Variants in NIN observed in about 807,000 individuals in gnomAD.
NIN encodes ninein, also known as glycogen synthase kinase 3 beta-interacting protein.
Under a neutral mutation model 257.6 loss-of-function variants are expected in NIN, and 137 were observed. The observed-to-expected ratio is 0.53, with a 90% confidence interval of 0.46 to 0.61. The LOEUF (loss-of-function observed/expected upper bound fraction) is 0.61. Ranked by LOEUF, NIN falls within the 20% of genes least tolerant of loss-of-function variation. NIN has a pLI of 0.00. For synonymous variants in NIN, 918 were observed against 919.8 expected (o/e 1.00, Z 0.04); for missense variants, 2,439 against 2,501.2 (o/e 0.98, Z 0.53).
rs1547078 is a variant in NIN, at chr14:50,744,135, T to C, written c.5187+108A>G. ...AAAGAAATGCTGCTCCAGGACACTC[T>C]GGAACAACAGACTACCACAGGAGGC... On this transcript the variant is annotated intron_variant, in intron 23 of 30. Coordinates refer to ENST00000530997, the MANE Select transcript of NIN (RefSeq NM_020921.4). 301,879 of 1,241,890 alleles carry C rather than the reference T, an allele frequency of 0.24. 38,465 individuals carry two copies. Among genetic ancestry groups the C allele is most frequent in the South Asian group, 0.31 (21,971 of 69,750 alleles). 76.9% of individuals were successfully genotyped at this position (1,241,890 alleles called of 1,614,324 possible).
intron 3 of NIN, among the ~76,000 whole-genome samples, chr14:50,820,940 A>G (rs1054275802): frequency 6.6e-6 from 1 of 152,222 alleles, no homozygotes; most frequent in Non-Finnish European, 1.5e-5. Context: ...GACAGTGAAA[A>G]TGAAATGAAG....
At position 50,817,011 on chromosome 14, in the gene NIN, C is replaced by T. The variant is rs1595932574; in HGVS notation, c.183+4863G>A. ...TTGAGCAGTCTCCTAATCAGGTCTT[C>T]TTGTTTATCAATGGGGAACCACAGA... On this transcript the variant is annotated intron_variant, in intron 3 of 30. Coordinates refer to ENST00000530997, the MANE Select transcript of NIN (RefSeq NM_020921.4). Among the ~76,000 whole-genome samples the T allele has an allele frequency of 5.3e-5, 8 of 152,316 alleles. No homozygotes were observed. The South Asian group carries it at 1.4e-3, about 28-fold the overall frequency.
At chr14:50,822,285 G>A (rs1327698012) in intron 2 of NIN, among the ~76,000 whole-genome samples, 2 of 152,082 alleles carry the variant, frequency 1.3e-5, no homozygotes. Flanking sequence ...CTCACATCAG[G>A]GGCATATACA....
At chr14:50,729,435 T>C in intron 29 of NIN, 88 bp downstream of exon 29, 1 of 1,304,978 alleles carries the variant, frequency 7.7e-7, no homozygotes, top group Non-Finnish European at 1.1e-6. Flanking sequence ...AGATTTAGGT[T>C]CTTTCTCTCC....
chr14:50,754,835 G>T lies in NIN; in HGVS notation c.4571C>A (p.Ser1524Tyr), dbSNP rs1396406065. The change falls in exon 19 of 31, where the codon TCT becomes TAT. Residue 1524 changes from serine (S) to tyrosine (Y), a missense_variant. Ser to Tyr is a moderately radical substitution (Grantham distance 144, BLOSUM62 -2). Coordinates refer to ENST00000530997, the MANE Select transcript of NIN (RefSeq NM_020921.4). ...AGTAGTAATTTCATTTCTCAAAATA[G>T]AATTTTCCTGTTGAAGCTTTTCAGA... The part of the protein sequence containing the change: ...YESEKLQQEN[S>Y]ILRNEITTLN... 6.3e-7 allele frequency: 1 copy of T among 1,578,938 alleles called. No individual in the cohort carries two copies. The highest frequency in any genetic ancestry group is 1.9e-5 in the Admixed American group (1 of 51,404).
chr14:50,795,912 G>C (rs981567027), intron 4 of NIN, among the ~76,000 whole-genome samples: 2 of 152,222 alleles, frequency 1.3e-5, no homozygotes, highest in Non-Finnish European at 2.9e-5. Context: ...CTAGGAGGCA[G>C]AGGCTGCAGT....
chr14:50,764,994 G>C (rs923999381), intron 14 of NIN, among the ~76,000 whole-genome samples: 2 of 151,170 alleles, frequency 1.3e-5, no homozygotes, highest in Non-Finnish European at 2.9e-5. Flanking sequence ...ATGAGGCTGG[G>C]TGGGCAGATC....
intron 5 of NIN, 133 bp from the exon 6 acceptor site, chr14:50,778,937 T>G: frequency 3.3e-6 from 3 of 900,212 alleles, no homozygotes; most frequent in Non-Finnish European, 5.3e-6. Flanking sequence ...CAGGACTCTC[T>G]AGTGTATCCA....
intron 22 of NIN, among the ~76,000 whole-genome samples, chr14:50,745,549 A>C (rs977393327): frequency 6.6e-6 from 1 of 152,210 alleles, no homozygotes; most frequent in African/African-American, 2.4e-5. Context: ...AGCTGTAGGA[A>C]TAGTATGACA....
intron 17 of NIN, 46 bp from the exon 18 acceptor site, chr14:50,758,676 C>A: frequency 6.7e-7 from 1 of 1,502,522 alleles, no homozygotes; most frequent in African/African-American, 1.4e-5. Context: ...CCGCCAACTC[C>A]AGAAGCAAAC....
At chr14:50,792,633 A>C in intron 5 of NIN, 79 bp downstream of exon 5, 1 of 1,513,798 alleles carries the variant, frequency 6.6e-7, no homozygotes, top group Non-Finnish European at 9.1e-7. Flanking sequence ...CAACCCCCTC[A>C]GCTCCCCTGT....
chr14:50,761,746 G>A (rs758547368), intron 16 of NIN, 44 bp downstream of exon 16: 3 of 1,612,292 alleles, frequency 1.9e-6, no homozygotes, highest in Non-Finnish European at 2.5e-6. Flanking sequence ...AAGCCTGTCA[G>A]AGCCAAAAGA....
In NIN at chr14:50,757,655, C is replaced by T. The variant is rs765244656; in HGVS notation, c.3375G>A (p.Gln1125=). The T allele has an allele frequency of 7.4e-6, 12 of 1,614,048 alleles. No homozygotes were observed. Among genetic ancestry groups the T allele is most frequent in the African/African-American group, 4.0e-5 (3 of 74,920 alleles). Reference sequence around the variant, plus strand: ...GCTTCGTTCGGTTTTGCTGTAAAAACTGCTCTGTTTGTTCCGCAGTATTTC... The same window carrying T: ...GCTTCGTTCGGTTTTGCTGTAAAAATTGCTCTGTTTGTTCCGCAGTATTTC... The part of the protein sequence containing the change: ...FFGNTAEQTE[Q]FLQQNRTKQV... The change falls in exon 18 of 31, where the codon CAG becomes CAA. Residue 1125 remains glutamine (Q), a synonymous_variant. Coordinates refer to ENST00000530997, the MANE Select transcript of NIN (RefSeq NM_020921.4).
At chr14:50,772,147 G>C in intron 9 of NIN, 154 bp downstream of exon 9, 1 of 652,420 alleles carries the variant, frequency 1.5e-6, no homozygotes, top group Non-Finnish European at 2.5e-6. Flanking sequence ...CTGGTTAAAA[G>C]GGCTAAAAAA....
chr14:50,775,549 T>C (rs1229010760), intron 7 of NIN, among the ~76,000 whole-genome samples: 1 of 152,222 alleles, frequency 6.6e-6, no homozygotes, highest in African/African-American at 2.4e-5. Context: ...CTAAGTACTA[T>C]AGAATTTCAC....
chr14:50,817,200 T>C (rs573813920), intron 3 of NIN, among the ~76,000 whole-genome samples: 141 of 152,336 alleles, frequency 9.3e-4, no homozygotes, highest in Non-Finnish European at 1.5e-3. Context: ...GACTTTTGTA[T>C]GAGTTATATT....
rs1386100938 is a variant in NIN, at chr14:50,743,464, T to G, written c.5253A>C (p.Glu1751Asp). ...GTGACTTTAAGCTCGCACTCTGATG[T>G]TCCCAGGATTTCTGTTCCTGCTTCA... ...ATMKQEQKSW[E>D]HQSASLKSQL... The change falls in exon 24 of 31, where the codon GAA becomes GAC. Residue 1751 changes from glutamate to aspartate, a missense_variant. Physicochemically the swap from Glu to Asp is conservative, Grantham distance 45. Around this residue, in one of 3 missense-constraint regions of NIN, gnomAD observed 2,043 missense variants for 2,050.2 expected, o/e 1.00. Coordinates refer to ENST00000530997, the MANE Select transcript of NIN (RefSeq NM_020921.4). The G allele has an allele frequency of 6.2e-7, 1 of 1,613,900 alleles. No individual in the cohort carries two copies. The highest frequency in any genetic ancestry group is 8.5e-7 in the Non-Finnish European group (1 of 1,179,770).
chr14:50,735,623 T>C lies in NIN; in HGVS notation c.5776-6A>G, dbSNP rs747054309. ...AGGGAATTCATCTGACTGACCTGTT[T>C]AAAAAAAACAAAATATTCCCTTGAA... On this transcript the variant is annotated splice_region_variant and splice_polypyrimidine_tract_variant and intron_variant, in intron 27 of 30. Coordinates refer to ENST00000530997, the MANE Select transcript of NIN (RefSeq NM_020921.4). 4 of 1,600,438 alleles carry C rather than the reference T, an allele frequency of 2.5e-6. No homozygotes were observed. Among genetic ancestry groups the C allele is most frequent in the Admixed American group, 1.7e-5 (1 of 57,826 alleles).
At position 50,771,483 on chromosome 14, in the gene NIN, A is replaced by G; in HGVS notation, c.982-15T>C. 6.2e-7 allele frequency: 1 copy of G among 1,613,392 alleles called. No homozygotes were observed. Among genetic ancestry groups the G allele is most frequent in the Non-Finnish European group, 8.5e-7 (1 of 1,179,670 alleles). On this transcript the variant is annotated splice_polypyrimidine_tract_variant and intron_variant, in intron 9 of 30. Coordinates refer to ENST00000530997, the MANE Select transcript of NIN (RefSeq NM_020921.4). ...AAATCCAAGGCCTAGAAATCAGAGC[A>G]AGGCGTAAATTCAAAAACAAATCAC...
Sources: gnomAD v4.1 joint callset for allele counts (sites outside exome capture counted in the v4.1 genomes callset) on GRCh38, gnomAD v4.1.1 for gene constraint, gnomAD v4.1.1 regional missense constraint, MANE v1.5 for transcripts, NCBI Gene and HGNC (gene_info 2026-07-23, HGNC 2026-07-21) for gene names.